ALK: variants seen among roughly 807,000 people sequenced by gnomAD.
ALK encodes the protein ALK receptor tyrosine kinase, also known as ALK tyrosine kinase receptor.
A neutral mutation model predicts 163.1 loss-of-function variants in ALK; 74 were observed. The ratio of observed to expected loss-of-function variants is 0.45; its 90% CI spans 0.38 to 0.55. The LOEUF (loss-of-function observed/expected upper bound fraction) is 0.55. Ranked by LOEUF, ALK falls within the 20% of genes least tolerant of loss-of-function variation. The probability of loss-of-function intolerance (pLI) is 0.00; values close to 1 mark genes in which losing one functional copy is unlikely to be tolerated. For missense variants in ALK, 2,063 were observed against 2,105.3 expected (o/e 0.98, Z 0.39); for synonymous variants, 960 against 843.2 (o/e 1.14, Z -2.40).
intron 8 of ALK, among the ~76,000 whole-genome samples, chr2:29,302,288 C>T (rs1207765101): frequency 6.6e-6 from 1 of 152,162 alleles, no homozygotes; most frequent in African/African-American, 2.4e-5. Flanking sequence ...GAGGCCGAGG[C>T]AGGTGGATCA....
At chr2:29,513,654 C>T (rs1437786957) in intron 4 of ALK, among the ~76,000 whole-genome samples, 7 of 151,800 alleles carry the variant, frequency 4.6e-5, no homozygotes, top group Non-Finnish European at 8.9e-5. Flanking sequence ...CAAATGGGAT[C>T]TAATTAAACT....
At chr2:29,807,467 T>C (rs1400949522) in intron 1 of ALK, among the ~76,000 whole-genome samples, 1 of 152,228 alleles carries the variant, frequency 6.6e-6, no homozygotes, top group Admixed American at 6.5e-5. Context: ...GCCCAACACA[T>C]GCCAGGAGCT....
At chr2:29,310,195 T>C (rs1003554128) in intron 8 of ALK, among the ~76,000 whole-genome samples, 2 of 152,108 alleles carry the variant, frequency 1.3e-5, no homozygotes, top group Non-Finnish European at 2.9e-5. Flanking sequence ...GGTTGGGGAG[T>C]TGGGCAGACC....
chr2:29,319,724 T>C (rs1263338045), intron 7 of ALK, among the ~76,000 whole-genome samples: 1 of 152,202 alleles, frequency 6.6e-6, no homozygotes, highest in Admixed American at 6.5e-5. Context: ...CTATGGGTGC[T>C]GTAGTGGAAA....
intron 3 of ALK, among the ~76,000 whole-genome samples, chr2:29,683,402 A>G (rs561300697): frequency 6.6e-6 from 1 of 152,152 alleles, no homozygotes; most frequent in African/African-American, 2.4e-5. Flanking sequence ...ACAAAAAACA[A>G]AAACAAAAAC....
chr2:29,625,817 C>A (rs1676178301), intron 3 of ALK, among the ~76,000 whole-genome samples: 1 of 152,184 alleles, frequency 6.6e-6, no homozygotes, highest in Non-Finnish European at 1.5e-5. Flanking sequence ...AGGAAGTTGA[C>A]ATCACTTGCC....
chr2:29,568,544 G>A (rs1370154730), intron 3 of ALK, among the ~76,000 whole-genome samples: 3 of 152,152 alleles, frequency 2.0e-5, no homozygotes, highest in Non-Finnish European at 2.9e-5. Flanking sequence ...TTTTCAAGTC[G>A]AGAGTTCTTT....
At chr2:29,506,751 C>T (rs112281425) in intron 4 of ALK, among the ~76,000 whole-genome samples, 1 of 99,956 alleles carries the variant, frequency 1.0e-5, no homozygotes, top group East Asian at 2.3e-4. Flanking sequence ...GTCTCAAAAA[C>T]AAAACAAAAA....
chr2:29,737,409 GATTTT>G (rs1449909596), intron 1 of ALK, among the ~76,000 whole-genome samples: 1 of 152,044 alleles, frequency 6.6e-6, no homozygotes, highest in Non-Finnish European at 1.5e-5. Flanking sequence ...AGTTGGTGCT[GATTTT>G]ACATTTCATA....
intron 3 of ALK, among the ~76,000 whole-genome samples, chr2:29,575,806 C>T (rs1674510393): frequency 6.6e-6 from 1 of 152,166 alleles, no homozygotes; most frequent in Admixed American, 6.5e-5. Context: ...TGCTGTGGCC[C>T]CAGCATGGTG....
At chr2:29,821,162 C>T (rs1449570439) in intron 1 of ALK, among the ~76,000 whole-genome samples, 1 of 152,150 alleles carries the variant, frequency 6.6e-6, no homozygotes, top group Non-Finnish European at 1.5e-5. Context: ...TCTGTTTTCC[C>T]ACCCACTGTT....
At chr2:29,834,907 A>T (rs56030325) in intron 1 of ALK, among the ~76,000 whole-genome samples, 207 of 152,360 alleles carry the variant, frequency 1.4e-3, no homozygotes, top group Middle Eastern at 6.8e-3. Flanking sequence ...GGCAGGCAAA[A>T]TTCCATTTGC....
chr2:29,601,959 C>T (rs773674949), intron 3 of ALK, among the ~76,000 whole-genome samples: 6 of 151,194 alleles, frequency 4.0e-5, no homozygotes, highest in South Asian at 2.1e-4. Flanking sequence ...AAGGTGGGGG[C>T]GGGGGACAGG....
At chr2:29,707,543 T>C (rs1678947710) in intron 2 of ALK, among the ~76,000 whole-genome samples, 3 of 152,058 alleles carry the variant, frequency 2.0e-5, no homozygotes, top group African/African-American at 4.8e-5. Flanking sequence ...ATAGTAAGGG[T>C]TTGGCTAGGA....
intron 4 of ALK, among the ~76,000 whole-genome samples, chr2:29,482,228 T>A (rs950342281): frequency 6.6e-6 from 1 of 152,162 alleles, no homozygotes; most frequent in Admixed American, 6.5e-5. Context: ...ATCAAGCTGG[T>A]CAGGATGGGA....
At chr2:29,349,453 A>G (rs1250472438) in intron 5 of ALK, among the ~76,000 whole-genome samples, 13 of 152,140 alleles carry the variant, frequency 8.5e-5, no homozygotes, top group Non-Finnish European at 1.5e-5. Flanking sequence ...TGCTAGTCAC[A>G]GTGGGGAAAT....
At chr2:29,557,215 T>A (rs1000895198) in intron 3 of ALK, among the ~76,000 whole-genome samples, 8 of 152,212 alleles carry the variant, frequency 5.3e-5, no homozygotes, top group African/African-American at 1.9e-4. Context: ...AGCATCACTC[T>A]GAAATTGAGA....
At chr2:29,778,565 G>A (rs906705421) in intron 1 of ALK, among the ~76,000 whole-genome samples, 6 of 152,178 alleles carry the variant, frequency 3.9e-5, no homozygotes, top group South Asian at 2.1e-4. Flanking sequence ...GCATGCATGT[G>A]TGCAAGTGTG....
rs1663944377 is a variant in ALK at position 29,225,526 on chromosome 2, A to C, written c.3107T>G (p.Ile1036Ser). 6.2e-7 allele frequency: 1 copy of C among 1,613,338 alleles called. No individual in the cohort carries two copies. Among genetic ancestry groups the C allele is most frequent in the South Asian group, 1.1e-5 (1 of 90,694 alleles). ...GAGGGCAGAGGTCACCACAGAGAGG[A>C]TCAGCGAGAGTGGCAGGTGTGGCTC... Reference protein sequence around the residue: ...TPEPHLPLSLILSVVTSALVA... With the variant: ...TPEPHLPLSLSLSVVTSALVA... Residue 1036 changes from isoleucine (I) to serine (S), a missense_variant, in exon 19 of 29, where the codon ATC (isoleucine) becomes AGC (serine). Coordinates refer to ENST00000389048, the MANE Select transcript of ALK (RefSeq NM_004304.5).
Sources: allele counts gnomAD v4.1 joint callset (sites outside exome capture counted in the v4.1 genomes callset), GRCh38; gene constraint gnomAD v4.1.1; transcripts MANE v1.5; gene names NCBI Gene and HGNC (gene_info 2026-07-23, HGNC 2026-07-21).